The following XPC variants were observed in gnomAD, a reference collection of about 807,000 sequenced individuals.
XPC encodes the protein XPC complex subunit, DNA damage recognition and repair factor.
XPC carries 76 observed loss-of-function variants against 95.8 expected under a neutral mutation model. That is an observed-to-expected ratio of 0.79 (90% confidence interval 0.66 to 0.96). The LOEUF (loss-of-function observed/expected upper bound fraction) is 0.96. Ranked by LOEUF, XPC falls within the 40% of genes least tolerant of loss-of-function variation. The probability of loss-of-function intolerance (pLI) is 0.00; values close to 1 mark genes in which losing one functional copy is unlikely to be tolerated. For synonymous variants in XPC, 442 were observed against 442.1 expected (o/e 1.00, Z 0.00); for missense variants, 1,146 against 1,179.8 (o/e 0.97, Z 0.42).
chr3:14,148,836 G>A lies in XPC; in HGVS notation c.2228C>T (p.Pro743Leu). 1.9e-6 allele frequency: 3 copies of A among 1,614,006 alleles called. No homozygotes were observed. Among genetic ancestry groups the A allele is most frequent in the South Asian group, 1.1e-5 (1 of 91,080 alleles). Reference protein sequence around the residue: ...FGYWQTEEYQPPVAVDGKVPR... With the variant: ...FGYWQTEEYQLPVAVDGKVPR... ...TACCTTCCCGTCCACGGCCACTGGG[G>A]GCTGATACTCCTCTGTCTGCCAGTA... The change falls in exon 12 of 16, where the codon CCC becomes CTC. Residue 743 changes from proline to leucine, a missense_variant. Physicochemically the swap from Pro to Leu is moderately conservative, Grantham distance 98 (BLOSUM62 -3). Coordinates refer to ENST00000285021, the MANE Select transcript of XPC (RefSeq NM_004628.5).
At chr3:14,161,015 T>C (rs995033514) in intron 7 of XPC, among the ~76,000 whole-genome samples, 2 of 152,148 alleles carry the variant, frequency 1.3e-5, no homozygotes. Flanking sequence ...TAGTAAGAAA[T>C]CTATCAATGT....
At chr3:14,152,550 G>C (rs1574954803) in intron 10 of XPC, 134 bp from the exon 11 acceptor site, 1 of 774,682 alleles carries the variant, frequency 1.3e-6, no homozygotes, top group Admixed American at 3.3e-5. Context: ...AGCTCCTAGG[G>C]GGCCCAGAGA....
chr3:14,164,678 G>A, intron 7 of XPC, 135 bp downstream of exon 7: 1 of 869,912 alleles, frequency 1.1e-6, no homozygotes, highest in Non-Finnish European at 1.7e-6. Context: ...CTGGGCTTCA[G>A]CAGCTATCAA....
chr3:14,147,683 G>A, intron 14 of XPC: 1 of 598,120 alleles, frequency 1.7e-6, no homozygotes, highest in Non-Finnish European at 2.9e-6. Context: ...AGCAGGGGCA[G>A]TAGACCCCAG....
chr3:14,174,534 G>A (rs1376631321), intron 1 of XPC, among the ~76,000 whole-genome samples: 1 of 152,216 alleles, frequency 6.6e-6, no homozygotes, highest in African/African-American at 2.4e-5. Flanking sequence ...AAAGGTAGAG[G>A]AGTTAAAAGG....
In XPC at chr3:14,156,338, G is replaced by A; in HGVS notation, c.2030C>T (p.Ser677Phe). Residue 677 changes from serine to phenylalanine, a missense_variant, in exon 10 of 16, where the codon TCC (serine) becomes TTC (phenylalanine). Coordinates refer to ENST00000285021, the MANE Select transcript of XPC (RefSeq NM_004628.5). ...CCAACCAGGCTGCCTCACGCACCTG[G>A]AGTAGACCGCTTCTCCACGACAATA... ...LGYCRGEAVYSRDCVHTLHSR... is the reference protein window; with the variant it reads ...LGYCRGEAVYFRDCVHTLHSR... The A allele has an allele frequency of 6.2e-7, 1 of 1,613,542 alleles. No individual in the cohort carries two copies. Among genetic ancestry groups the A allele is most frequent in the Non-Finnish European group, 8.5e-7 (1 of 1,179,652 alleles).
chr3:14,146,017 A>G lies in XPC; in HGVS notation c.2747T>C (p.Leu916Pro). The G allele has an allele frequency of 1.9e-6, 3 of 1,612,064 alleles. No homozygotes were observed. Among genetic ancestry groups the G allele is most frequent in the Non-Finnish European group, 2.5e-6 (3 of 1,178,968 alleles). Residue 916 changes from leucine (L) to proline (P), a missense_variant, in exon 16 of 16, where the codon CTG becomes CCG. By Grantham distance (98) the Leu-to-Pro change is moderately conservative. Transcript: ENST00000285021. Reference sequence around the variant, plus strand: ...TTTGGTCTTCTTGGGCCCACCCTTCAGCTTCTGCTTTTCTTCATCTTCTCG... The same window carrying G: ...TTTGGTCTTCTTGGGCCCACCCTTCGGCTTCTGCTTTTCTTCATCTTCTCG... ...QNREDEEKQKLKGGPKKTKRE... is the reference protein window; with the variant it reads ...QNREDEEKQKPKGGPKKTKRE...
intron 1 of XPC, among the ~76,000 whole-genome samples, chr3:14,177,662 G>A (rs1303587692): frequency 1.3e-5 from 2 of 151,002 alleles, no homozygotes; most frequent in African/African-American, 4.9e-5. Context: ...TAAGCTAAGA[G>A]CAATGGAAAA....
intron 10 of XPC, chr3:14,152,750 G>A (rs991357051): frequency 3.9e-5 from 10 of 255,028 alleles, no homozygotes; most frequent in South Asian, 6.1e-5. Context: ...GGTAAAGGCC[G>A]CTGTGCGCAG....
chr3:14,149,201 A>G lies in XPC; in HGVS notation c.2116-253T>C, dbSNP rs545030936. On this transcript the variant is annotated intron_variant, in intron 11 of 15. Coordinates refer to ENST00000285021, the MANE Select transcript of XPC (RefSeq NM_004628.5). Reference sequence around the variant, plus strand: ...TGGGTTTAAGCAATTCTCCTGCCTCAGCCTCCTGAGTAGCTGGGATTACAG... The same window carrying G: ...TGGGTTTAAGCAATTCTCCTGCCTCGGCCTCCTGAGTAGCTGGGATTACAG... 1.6e-4 allele frequency among the ~76,000 whole-genome samples: 24 copies of G among 151,792 alleles called. 1 individual carries two copies. In the East Asian group the frequency reaches 4.7e-3, roughly 30 times the overall value.
Position 14,156,330 on chromosome 3 carries a change from C to A in XPC, c.2033+5G>T, listed in dbSNP as rs374329989. 6.2e-7 allele frequency: 1 copy of A among 1,608,742 alleles called. No homozygotes were observed. Among genetic ancestry groups the A allele is most frequent in the African/African-American group, 1.3e-5 (1 of 74,844 alleles). ...CCCTGAGGCCAACCAGGCTGCCTCA[C>A]GCACCTGGAGTAGACCGCTTCTCCA... On this transcript the variant is annotated splice_donor_5th_base_variant and intron_variant, in intron 10 of 15. Coordinates refer to ENST00000285021, the MANE Select transcript of XPC (RefSeq NM_004628.5).
chr3:14,146,243 C>A, intron 15 of XPC, 84 bp from the exon 16 acceptor site: 1 of 1,267,102 alleles, frequency 7.9e-7, no homozygotes, highest in Non-Finnish European at 1.1e-6. Context: ...CAGCAAGTTC[C>A]CAGCCTGCCC....
rs2125004485 is a variant in XPC, at chr3:14,145,959, G to C, written c.2805C>G (p.Phe935Leu). ...REKKAAASHL[F>L]PFEQL ...GCTCAGCTCACAGCTGCTCAAATGG[G>C]AACAGGTGGGAAGCTGCTGCTTTCT... is the stretch of plus-strand genomic sequence containing the variant. The change falls in exon 16 of 16, where the codon TTC becomes TTG. Residue 935 changes from phenylalanine to leucine, a missense_variant. Coordinates refer to ENST00000285021, the MANE Select transcript of XPC (RefSeq NM_004628.5). The C allele has an allele frequency of 1.9e-6, 3 of 1,606,996 alleles. No homozygotes were observed. The highest frequency in any genetic ancestry group is 2.6e-6 in the Non-Finnish European group (3 of 1,174,748).
At chr3:14,162,055 G>A (rs559495558) in intron 7 of XPC, among the ~76,000 whole-genome samples, 1 of 152,226 alleles carries the variant, frequency 6.6e-6, no homozygotes, top group African/African-American at 2.4e-5. Flanking sequence ...ATTTCCAAGA[G>A]CATCAAGAAG....
At chr3:14,164,041 T>C (rs948285752) in intron 7 of XPC, among the ~76,000 whole-genome samples, 2 of 152,202 alleles carry the variant, frequency 1.3e-5, no homozygotes, top group African/African-American at 4.8e-5. Context: ...AGAGAGAGAC[T>C]CTGTCTCAAA....
At chr3:14,152,202 G>T in intron 11 of XPC, 133 bp downstream of exon 11, 2 of 675,478 alleles carry the variant, frequency 3.0e-6, no homozygotes, top group Middle Eastern at 2.4e-4. Flanking sequence ...CTCAAGCCGG[G>T]AAAGTGAGAC....
chr3:14,178,514 G>A lies in XPC; in HGVS notation c.55C>T (p.Gln19Ter), dbSNP rs1553608637. 4 of 1,612,886 alleles carry A rather than the reference G, an allele frequency of 2.5e-6. No individual in the cohort carries two copies. Among genetic ancestry groups the A allele is most frequent in the South Asian group, 1.1e-5 (1 of 91,058 alleles). ...GEPRGRELRS[Q>*]KSKAKSKARR... ...GCCTTGCTCTTGGCCTTGGATTTCT[G>A]GCTGCGCAGTTCGCGTCCCCGCGGC... is the stretch of plus-strand genomic sequence containing the variant. Residue 19 changes from glutamine to a stop codon, truncating the protein, a stop_gained, in exon 1 of 16, where the codon CAG becomes TAG. Transcript: ENST00000285021. LOFTEE classifies it high-confidence loss of function.
At chr3:14,166,899 TGAAAG>T (rs1333521675) in intron 5 of XPC, among the ~76,000 whole-genome samples, 1 of 152,218 alleles carries the variant, frequency 6.6e-6, no homozygotes, top group African/African-American at 2.4e-5. Flanking sequence ...ATTAAATGGC[TGAAAG>T]GAGAGATGGA....
chr3:14,169,126 T>C (rs1210704280), intron 3 of XPC, among the ~76,000 whole-genome samples: 1 of 152,170 alleles, frequency 6.6e-6, no homozygotes, highest in African/African-American at 2.4e-5. Flanking sequence ...AAGAAAAGTA[T>C]AAGCTGAACA....
Sources: gnomAD v4.1 joint callset for allele counts (sites outside exome capture counted in the v4.1 genomes callset) on GRCh38, gnomAD v4.1.1 for gene constraint, MANE v1.5 for transcripts, NCBI Gene and HGNC (gene_info 2026-07-23, HGNC 2026-07-21) for gene names.